Variants in KIRREL3 observed in about 807,000 individuals in gnomAD.
KIRREL3 encodes kin of IRRE-like protein 3.
In KIRREL3, 36 loss-of-function variants were observed where a neutral mutation model predicts 89.7. The ratio of observed to expected loss-of-function variants is 0.40; its 90% CI spans 0.31 to 0.53. The LOEUF is 0.53. Ranked by LOEUF, KIRREL3 falls within the 20% of genes least tolerant of loss-of-function variation. KIRREL3 has a pLI of 0.49. For missense variants in KIRREL3, 864 were observed against 1,056.6 expected (o/e 0.82, Z 2.53); for synonymous variants, 445 against 441.4 (o/e 1.01, Z -0.10).
At chr11:126,731,344 A>G (rs1452075577) in intron 1 of KIRREL3, among the ~76,000 whole-genome samples, 1 of 152,072 alleles carries the variant, frequency 6.6e-6, no homozygotes, top group Non-Finnish European at 1.5e-5. Context: ...ACCCTATCCC[A>G]GGGTCCATCC....
intron 2 of KIRREL3, among the ~76,000 whole-genome samples, chr11:126,532,432 A>G (rs1591690165): frequency 6.6e-6 from 1 of 152,026 alleles, no homozygotes; most frequent in East Asian, 1.9e-4. Flanking sequence ...ATGGAGTGCA[A>G]TGGTGTGTTC....
chr11:126,816,756 A>T (rs558503604), intron 1 of KIRREL3, among the ~76,000 whole-genome samples: 2 of 152,336 alleles, frequency 1.3e-5, no homozygotes, highest in African/African-American at 4.8e-5. Flanking sequence ...TTTGCGCCAA[A>T]GCCTGGTCTC....
rs896950342 is a variant in KIRREL3, at chr11:126,498,641, C to G, written c.433+22674G>C. Among the ~76,000 whole-genome samples, 4 of 152,176 alleles carry G rather than the reference C, an allele frequency of 2.6e-5. No homozygotes were observed. Among genetic ancestry groups the G allele is most frequent in the African/African-American group, 9.7e-5 (4 of 41,450 alleles). ...AGCCAGGAGGGGAAGGGGCCCGTGA[C>G]CTGGCACCCTGTGACGACAAGCAGA... is the stretch of plus-strand genomic sequence containing the variant. On this transcript the variant is annotated intron_variant, in intron 4 of 16. Coordinates refer to ENST00000525144, the MANE Select transcript of KIRREL3 (RefSeq NM_032531.4). This position sits in a 1 kb window ranked among gnomAD's most constrained non-coding sequence, Gnocchi z 4.3.
Position 126,708,585 on chromosome 11 carries a change from G to A in KIRREL3, c.56-145673C>T, listed in dbSNP as rs541288233. 2.3e-3 allele frequency among the ~76,000 whole-genome samples: 348 copies of A among 152,258 alleles called. 1 individual carries two copies. The highest frequency in any genetic ancestry group is 5.6e-3 in the Admixed American group (86 of 15,290). On this transcript the variant is annotated intron_variant, in intron 1 of 16. Coordinates refer to ENST00000525144, the MANE Select transcript of KIRREL3 (RefSeq NM_032531.4). This position sits in a 1 kb window ranked among gnomAD's most constrained non-coding sequence, Gnocchi z 5.7. Reference sequence around the variant, plus strand: ...GCTGTTCCGACGTGGGCTCCGGGGTGGGGAAGGAAGGAGGGCGTTCGGCTC... The same window carrying A: ...GCTGTTCCGACGTGGGCTCCGGGGTAGGGAAGGAAGGAGGGCGTTCGGCTC...
chr11:126,731,091 G>A (rs1437156207), intron 1 of KIRREL3, among the ~76,000 whole-genome samples: 2 of 152,144 alleles, frequency 1.3e-5, no homozygotes, highest in Non-Finnish European at 2.9e-5. Context: ...TCCCCTTCAA[G>A]CCACTCTCTT....
chr11:126,521,261 T>G lies in KIRREL3; in HGVS notation c.433+54A>C, dbSNP rs1958576946. 4 of 1,463,348 alleles carry G rather than the reference T, an allele frequency of 2.7e-6. No homozygotes were observed. The highest frequency in any genetic ancestry group is 1.4e-5 in the South Asian group (1 of 69,828). The allele number at this position is 1,463,348 out of a possible 1,614,324, so 90.6% of individuals were successfully genotyped here. ...GACCAAAAAAATACCCTCTTGGAGC[T>G]GAGCCCTTGGTGCTTCACGCAGTGT... On this transcript the variant is annotated intron_variant, in intron 4 of 16. Transcript: ENST00000525144. The surrounding 1 kb of genome is among the most constrained non-coding windows in gnomAD (Gnocchi z 4.1).
intron 1 of KIRREL3, among the ~76,000 whole-genome samples, chr11:126,599,476 C>T (rs886777501): frequency 1.3e-5 from 2 of 152,170 alleles, no homozygotes; most frequent in African/African-American, 4.8e-5. Context: ...TCTAGCTCCC[C>T]TGTGCGGGTC....
intron 15 of KIRREL3, among the ~76,000 whole-genome samples, chr11:126,426,936 G>T (rs1230213982): frequency 1.3e-5 from 2 of 152,190 alleles, no homozygotes; most frequent in South Asian, 2.1e-4. Context: ...TGCAGATGGG[G>T]CTGTCTTGGG....
At chr11:126,442,387 A>G (rs187283896) in intron 10 of KIRREL3, among the ~76,000 whole-genome samples, 40 of 151,064 alleles carry the variant, frequency 2.6e-4, no homozygotes, top group African/African-American at 7.8e-4. Context: ...AGGAGCTAGG[A>G]ATTCCCTGAG....
At position 126,923,268 on chromosome 11, in the gene KIRREL3, TCC is replaced by T. The variant is rs1565424289; in HGVS notation, c.55+77185_55+77186del. Among the ~76,000 whole-genome samples, 47 of 82,252 alleles carry T rather than the reference TCC, an allele frequency of 5.7e-4. 4 individuals carry two copies. Among genetic ancestry groups the T allele is most frequent in the African/African-American group, 1.4e-3 (23 of 16,124 alleles). The allele number at this position is 82,252 out of a possible 152,430, so 54.0% of individuals were successfully genotyped here. Reference sequence around the variant, plus strand: ...CTTCTTCTTCTTCTTCTTCTTCTTCTCCTTCTCCTTCTCCTTCTCCTTCTCCT... The same window carrying T: ...CTTCTTCTTCTTCTTCTTCTTCTTCTTTCTCCTTCTCCTTCTCCTTCTCCT... On this transcript the variant is annotated intron_variant, in intron 1 of 16. Coordinates refer to ENST00000525144, the MANE Select transcript of KIRREL3 (RefSeq NM_032531.4).
At position 126,796,101 on chromosome 11, in the gene KIRREL3, T is replaced by C. The variant is rs962733428; in HGVS notation, c.55+204354A>G. On this transcript the variant is annotated intron_variant, in intron 1 of 16. Transcript: ENST00000525144. The surrounding 1 kb of genome is among the most constrained non-coding windows in gnomAD (Gnocchi z 5.1). ...GACACGTTTTTATCCATGGGGTCCA[T>C]GGATCTTATTTTAGTTTTGCTAATG... Among the ~76,000 whole-genome samples the C allele has an allele frequency of 9.9e-5, 15 of 152,182 alleles. No individual in the cohort carries two copies. Among genetic ancestry groups the C allele is most frequent in the African/African-American group, 2.6e-4 (11 of 41,514 alleles).
chr11:126,923,176 C>CTTCTTCTTCTTCTTCTTCTTT lies in KIRREL3; in HGVS notation c.55+77278_55+77279insAAAGAAGAAGAAGAAGAAGAA, dbSNP rs766266024. On this transcript the variant is annotated intron_variant, in intron 1 of 16. Transcript: ENST00000525144. ...TCTTCTTCTTCTTCTTCTTCTTCTTCTCTTCTTCTTCTCTTCTTCTTCTTC... is the reference window on the plus strand; with the variant it reads ...TCTTCTTCTTCTTCTTCTTCTTCTTCTTCTTCTTCTTCTTCTTCTTTTCTTCTTCTTCTCTTCTTCTTCTTC... Among the ~76,000 whole-genome samples the CTTCTTCTTCTTCTTCTTCTTT allele has an allele frequency of 1.5e-3, 27 of 17,998 alleles. 6 individuals are homozygous for CTTCTTCTTCTTCTTCTTCTTT. Among genetic ancestry groups the CTTCTTCTTCTTCTTCTTCTTT allele is most frequent in the East Asian group, 3.5e-3 (3 of 868 alleles). 11.8% of individuals were successfully genotyped at this position (17,998 alleles called of 152,430 possible). A position where few individuals can be genotyped will look rare whatever the true frequency, so the allele number is the denominator to read the frequency against.
chr11:126,773,392 T>C lies in KIRREL3; in HGVS notation c.56-210480A>G, dbSNP rs1950077967. On this transcript the variant is annotated intron_variant, in intron 1 of 16. Coordinates refer to ENST00000525144, the MANE Select transcript of KIRREL3 (RefSeq NM_032531.4). The surrounding 1 kb of genome is among the most constrained non-coding windows in gnomAD (Gnocchi z 4.2). ...CCAGCAGACGACCTCTTGACTTGAA[T>C]TGCAATGTGGACTCCTTCCTGGGTC... Among the ~76,000 whole-genome samples, 1 of 152,194 alleles carries C rather than the reference T, an allele frequency of 6.6e-6. No individual in the cohort carries two copies. Among genetic ancestry groups the C allele is most frequent in the Admixed American group, 6.5e-5 (1 of 15,286 alleles).
chr11:126,702,353 T>C (rs1478127767), intron 1 of KIRREL3, among the ~76,000 whole-genome samples: 1 of 152,100 alleles, frequency 6.6e-6, no homozygotes, highest in Non-Finnish European at 1.5e-5. Context: ...GCTCCACAAA[T>C]CTATGACATC....
In KIRREL3 at chr11:126,605,196, T is replaced by C. The variant is rs551181453; in HGVS notation, c.56-42284A>G. On this transcript the variant is annotated intron_variant, in intron 1 of 16. Coordinates refer to ENST00000525144, the MANE Select transcript of KIRREL3 (RefSeq NM_032531.4). This position sits in a 1 kb window ranked among gnomAD's most constrained non-coding sequence, Gnocchi z 5.7. ...CAGGTTGGGGCCCCATGGATAACTA[T>C]ATCTAGGGACCGACTCCTGGGATCT... Among the ~76,000 whole-genome samples, 23 of 152,228 alleles carry C rather than the reference T, an allele frequency of 1.5e-4. No individual in the cohort carries two copies. The highest frequency in any genetic ancestry group is 3.1e-4 in the Non-Finnish European group (21 of 68,022).
rs1944891166 is a variant in KIRREL3, at chr11:126,651,099, A to C, written c.56-88187T>G. On this transcript the variant is annotated intron_variant, in intron 1 of 16. Transcript: ENST00000525144. This position sits in a 1 kb window ranked among gnomAD's most constrained non-coding sequence, Gnocchi z 4.6. Reference sequence around the variant, plus strand: ...TTATCTCCCACCGGGTCCCTCCCACAACACATAGGAATTATGGGAGTACAA... The same window carrying C: ...TTATCTCCCACCGGGTCCCTCCCACCACACATAGGAATTATGGGAGTACAA... Among the ~76,000 whole-genome samples, 1 of 152,204 alleles carries C rather than the reference A, an allele frequency of 6.6e-6. No homozygotes were observed. The highest frequency in any genetic ancestry group is 2.4e-5 in the African/African-American group (1 of 41,460).
chr11:126,779,125 A>G (rs1016661274), intron 1 of KIRREL3, among the ~76,000 whole-genome samples: 13 of 152,238 alleles, frequency 8.5e-5, no homozygotes, highest in Admixed American at 7.8e-4. Context: ...TGAATGATCA[A>G]AAATGTAAGA....
chr11:126,975,929 TCCC>T (rs1949560052), intron 1 of KIRREL3, among the ~76,000 whole-genome samples: 2 of 56,982 alleles, frequency 3.5e-5, no homozygotes, highest in African/African-American at 7.0e-5. Context: ...CCTCCCTCCC[TCCC>T]TCCCTCCCTT....
chr11:126,698,576 G>T (rs560456917), intron 1 of KIRREL3, among the ~76,000 whole-genome samples: 41 of 152,358 alleles, frequency 2.7e-4, no homozygotes, highest in African/African-American at 9.9e-4. Context: ...AAGAGCATCT[G>T]CTCAGGGCTA....
Sources: gnomAD v4.1 joint callset for allele counts (sites outside exome capture counted in the v4.1 genomes callset) on GRCh38, gnomAD v4.1.1 for gene constraint, Gnocchi (gnomAD v3.1) non-coding constraint, MANE v1.5 for transcripts, NCBI Gene and HGNC (gene_info 2026-07-23, HGNC 2026-07-21) for gene names.